Variants in ABCG2 observed in about 807,000 individuals in gnomAD.
ABCG2 encodes broad substrate specificity ATP-binding cassette transporter ABCG2.
ABCG2 carries 80 observed loss-of-function variants against 73.5 expected under a neutral mutation model. That is an observed-to-expected ratio of 1.09 (90% confidence interval 0.91 to 1.31). The LOEUF is 1.31. ABCG2 is among the 50% of genes most tolerant of loss of function. The pLI is 0.00. For synonymous variants in ABCG2, 269 were observed against 282.4 expected (o/e 0.95, Z 0.48); for missense variants, 796 against 786.2 (o/e 1.01, Z -0.15).
At chr4:88,176,521 C>G (rs1366065594) in intron 1 of ABCG2, among the ~76,000 whole-genome samples, 1 of 131,134 alleles carries the variant, frequency 7.6e-6, no homozygotes, top group Non-Finnish European at 1.5e-5. Context: ...CACTGTTTCA[C>G]TCAGGTTGGA....
rs1181605596 is a variant in ABCG2 at position 88,139,926 on chromosome 4, C to G, written c.70G>C (p.Ala24Pro). 1 of 1,614,136 alleles carries G rather than the reference C, an allele frequency of 6.2e-7. No homozygotes were observed. Among genetic ancestry groups the G allele is most frequent in the Non-Finnish European group, 8.5e-7 (1 of 1,180,010 alleles). Residue 24 changes from alanine to proline, a missense_variant, in exon 2 of 16, where the codon GCT (alanine) becomes CCT (proline). Coordinates refer to ENST00000237612, the MANE Select transcript of ABCG2 (RefSeq NM_004827.3). The part of the protein sequence containing the change: ...QGNTNGFPAT[A>P]SNDLKAFTEG... ...GTAAATGCCTTCAGGTCATTGGAAG[C>G]TGTCGCGGGGAAGCCATTGGTGTTT... is the stretch of plus-strand genomic sequence containing the variant.
chr4:88,177,097 G>A (rs942165292), intron 1 of ABCG2, among the ~76,000 whole-genome samples: 3 of 152,212 alleles, frequency 2.0e-5, no homozygotes, highest in East Asian at 3.9e-4. Flanking sequence ...GAATGGCCGG[G>A]CGCAGTGGCT....
intron 5 of ABCG2, among the ~76,000 whole-genome samples, chr4:88,126,220 A>G (rs1342687170): frequency 6.6e-6 from 1 of 152,220 alleles, no homozygotes; most frequent in African/African-American, 2.4e-5. Flanking sequence ...TCCCAAGACT[A>G]ATCCAGGAAG....
At chr4:88,210,220 C>CAT (rs1553900072) in intron 1 of ABCG2, among the ~76,000 whole-genome samples, 3 of 130,928 alleles carry the variant, frequency 2.3e-5, no homozygotes, top group African/African-American at 8.6e-5. Context: ...CACACACACA[C>CAT]ATATACATAT....
chr4:88,132,022 T>C (rs1724927625), intron 3 of ABCG2, 105 bp from the exon 4 acceptor site: 2 of 657,948 alleles, frequency 3.0e-6, no homozygotes, highest in East Asian at 2.8e-5. Flanking sequence ...ATGGCTACTT[T>C]GAATCCAAAT....
chr4:88,222,847 G>T (rs751642012), intron 1 of ABCG2, among the ~76,000 whole-genome samples: 1 of 152,194 alleles, frequency 6.6e-6, no homozygotes, highest in Non-Finnish European at 1.5e-5. Context: ...CACCAGCCAC[G>T]AAAGCAGCTG....
chr4:88,212,297 A>G (rs1729635163), intron 1 of ABCG2, among the ~76,000 whole-genome samples: 1 of 152,170 alleles, frequency 6.6e-6, no homozygotes, highest in South Asian at 2.1e-4. Flanking sequence ...TTACACTTTA[A>G]CACTGACTAC....
At chr4:88,118,808 T>C (rs968933881) in intron 6 of ABCG2, among the ~76,000 whole-genome samples, 1 of 152,192 alleles carries the variant, frequency 6.6e-6, no homozygotes, top group East Asian at 1.9e-4. Flanking sequence ...TTTCACAATA[T>C]TGTCATGAGG....
chr4:88,105,193 T>C (rs1206770120), intron 10 of ABCG2, among the ~76,000 whole-genome samples: 3 of 152,240 alleles, frequency 2.0e-5, no homozygotes, highest in Admixed American at 1.3e-4. Context: ...TCTGATTCCA[T>C]ACAAAAGAAT....
chr4:88,110,031 C>G (rs1010537740), intron 9 of ABCG2, among the ~76,000 whole-genome samples: 3 of 152,012 alleles, frequency 2.0e-5, no homozygotes, highest in Non-Finnish European at 4.4e-5. Context: ...TTCACTGCAG[C>G]CTCAAACTTC....
intron 1 of ABCG2, among the ~76,000 whole-genome samples, chr4:88,172,733 T>C (rs1270743539): frequency 6.6e-6 from 1 of 152,160 alleles, no homozygotes; most frequent in Non-Finnish European, 1.5e-5. Context: ...CTTTATTTCT[T>C]CTTTTTTTAA....
chr4:88,230,213 G>A (rs911962830), intron 1 of ABCG2, among the ~76,000 whole-genome samples: 10 of 146,314 alleles, frequency 6.8e-5, no homozygotes, highest in Admixed American at 4.8e-4. Flanking sequence ...GGCTTGTCTC[G>A]AACTCCTGAC....
Position 88,130,217 on chromosome 4 carries a change from CCAATGCTTG to C in ABCG2, c.531+835_531+843del, listed in dbSNP as rs1212499222. ...CTTCATCGGTATTTACAGCCGCTCC[CCAATGCTTG>C]CATTACCACCTGAGCTCCACCTGTC... On this transcript the variant is annotated intron_variant, in intron 5 of 15. Coordinates refer to ENST00000237612, the MANE Select transcript of ABCG2 (RefSeq NM_004827.3). Among the ~76,000 whole-genome samples, 6 of 152,236 alleles carry C rather than the reference CCAATGCTTG, an allele frequency of 3.9e-5. No homozygotes were observed. In the East Asian group the frequency reaches 1.2e-3, roughly 29 times the overall value.
chr4:88,154,237 C>T (rs1726761427), intron 1 of ABCG2, among the ~76,000 whole-genome samples: 1 of 152,118 alleles, frequency 6.6e-6, no homozygotes, highest in African/African-American at 2.4e-5. Flanking sequence ...GATATGATAC[C>T]TTTTTGATGG....
At chr4:88,190,675 A>G (rs1403372954) in intron 1 of ABCG2, among the ~76,000 whole-genome samples, 1 of 152,234 alleles carries the variant, frequency 6.6e-6, no homozygotes, top group Non-Finnish European at 1.5e-5. Flanking sequence ...TTTAACCATT[A>G]AGAAAATGAA....
chr4:88,222,027 C>A (rs1730028365), intron 1 of ABCG2, among the ~76,000 whole-genome samples: 1 of 152,208 alleles, frequency 6.6e-6, no homozygotes, highest in Admixed American at 6.5e-5. Context: ...GTTTCCTGGG[C>A]TAGGTCCAGG....
Position 88,092,328 on chromosome 4 carries a change from C to A in ABCG2, c.1874G>T (p.Gly625Val). The A allele has an allele frequency of 1.2e-6, 2 of 1,613,796 alleles. No individual in the cohort carries two copies. Among genetic ancestry groups the A allele is most frequent in the South Asian group, 1.1e-5 (1 of 90,978 alleles). Residue 625 changes from glycine (G) to valine (V), a missense_variant, in exon 16 of 16, where the codon GGC becomes GTC. Gly to Val is a moderately radical substitution (Grantham distance 109). Coordinates refer to ENST00000237612, the MANE Select transcript of ABCG2 (RefSeq NM_004827.3). ...VKQGIDLSPW[G>V]LWKNHVALAC... ...CAAGGCCACGTGATTCTTCCACAAGCCCCAGGGTGAGAGATCGATGCCCTG... is the reference window on the plus strand; with the variant it reads ...CAAGGCCACGTGATTCTTCCACAAGACCCAGGGTGAGAGATCGATGCCCTG...
At chr4:88,128,535 T>C (rs1338036309) in intron 5 of ABCG2, among the ~76,000 whole-genome samples, 4 of 152,162 alleles carry the variant, frequency 2.6e-5, no homozygotes, top group African/African-American at 9.7e-5. Context: ...ATGCCCATAA[T>C]GATAGACTGA....
upstream of ABCG2, chr4:88,159,350 G>A (rs947143737): frequency 1.8e-5 from 7 of 380,454 alleles, no homozygotes; most frequent in East Asian, 5.5e-4. Flanking sequence ...GGGATTCTGA[G>A]AAAGTGGATG....
Sources: allele counts gnomAD v4.1 joint callset (sites outside exome capture counted in the v4.1 genomes callset), GRCh38; gene constraint gnomAD v4.1.1; transcripts MANE v1.5; gene names NCBI Gene and HGNC (gene_info 2026-07-23, HGNC 2026-07-21).